Variants in MAP3K19 observed in about 807,000 individuals in gnomAD.
MAP3K19 encodes the protein mitogen-activated protein kinase kinase kinase 19, also known as SPS1/STE20-related protein kinase YSK4.
Under a neutral mutation model 114.4 loss-of-function variants are expected in MAP3K19, and 91 were observed. The observed-to-expected ratio is 0.80, with a 90% CI of 0.67 to 0.95. MAP3K19 has a LOEUF of 0.95. MAP3K19 is among the 40% of genes least tolerant of loss of function. The probability of loss-of-function intolerance (pLI) is 0.00; values close to 1 mark genes in which losing one functional copy is unlikely to be tolerated. For synonymous variants in MAP3K19, 518 were observed against 530.5 expected (o/e 0.98, Z 0.32); for missense variants, 1,471 against 1,573.2 (o/e 0.94, Z 1.10).
chr2:135,023,300 T>C (rs1291360845), intron 4 of MAP3K19: 4 of 378,984 alleles, frequency 1.1e-5, no homozygotes, highest in African/African-American at 8.5e-5. Context: ...CTCCTCTCAC[T>C]TCCTGAGTCC....
At chr2:135,039,091 G>A (rs1348337577) in intron 2 of MAP3K19, among the ~76,000 whole-genome samples, 1 of 149,442 alleles carries the variant, frequency 6.7e-6, no homozygotes, top group East Asian at 2.0e-4. Flanking sequence ...TGGGTGTTGG[G>A]TACACAGGTG....
rs188134911 is a variant in MAP3K19, at chr2:135,039,008, G to A, written c.-284+1355C>T. Among the ~76,000 whole-genome samples, 13 of 152,238 alleles carry A rather than the reference G, an allele frequency of 8.5e-5. No individual in the cohort carries two copies. The South Asian group carries it at 2.7e-3, about 32-fold the overall frequency. On this transcript the variant is annotated intron_variant, in intron 2 of 12. Coordinates refer to ENST00000392915, the MANE Select transcript of MAP3K19 (RefSeq NM_025052.5). ...AAATTCAAGATAATGGTTAGCCAGG[G>A]TGGGGGATGCAATTCAAGACAGGCA... is the stretch of plus-strand genomic sequence containing the variant.
At chr2:135,031,572 T>G (rs78814907) in intron 2 of MAP3K19, among the ~76,000 whole-genome samples, 6,379 of 152,142 alleles carry the variant, frequency 0.042, 160 homozygotes, top group African/African-American at 0.056. Context: ...AGGCAGACAG[T>G]GAAAGATTTT....
rs781533247 is a variant in MAP3K19 at position 134,981,334 on chromosome 2, A to G, written c.3407T>C (p.Val1136Ala). ...AGGAACAAACTCCATGAAAATGCTC[A>G]CAGTGTTCTCTTGCAAGCATGTCCC... is the stretch of plus-strand genomic sequence containing the variant. ...YLGTCLQENT[V>A]SIFMEFVPGG... The change falls in exon 12 of 13, where the codon GTG becomes GCG. Residue 1136 changes from valine to alanine, a missense_variant. Transcript: ENST00000392915. 2 of 1,614,208 alleles carry G rather than the reference A, an allele frequency of 1.2e-6. No individual in the cohort carries two copies. Among genetic ancestry groups the G allele is most frequent in the Non-Finnish European group, 1.7e-6 (2 of 1,180,034 alleles).
rs985580925 is a variant in MAP3K19 at position 134,999,108 on chromosome 2, T to C, written c.315-111A>G. On this transcript the variant is annotated intron_variant, in intron 7 of 12. Coordinates refer to ENST00000392915, the MANE Select transcript of MAP3K19 (RefSeq NM_025052.5). This position sits in a 1 kb window ranked among gnomAD's most constrained non-coding sequence, Gnocchi z 4.1. The stretch of plus-strand genomic sequence containing the variant: ...GAAAGTTTGAAGAACTACTTCCAAA[T>C]GGTGCTGCTGAAAGGAAAGGCTGAA... 14 of 1,241,274 alleles carry C rather than the reference T, an allele frequency of 1.1e-5. No individual in the cohort carries two copies. Among genetic ancestry groups the C allele is most frequent in the Non-Finnish European group, 1.5e-5 (13 of 892,288 alleles). 76.9% of individuals were successfully genotyped at this position (1,241,274 alleles called of 1,614,324 possible).
intron 12 of MAP3K19, among the ~76,000 whole-genome samples, chr2:134,973,401 C>T (rs938140455): frequency 6.6e-6 from 1 of 152,142 alleles, no homozygotes; most frequent in Non-Finnish European, 1.5e-5. Context: ...CTGTTTTTGA[C>T]ATAAAGTGTG....
Position 134,996,689 on chromosome 2 carries a change from G to A in MAP3K19, c.574+2049C>T, listed in dbSNP as rs544264123. ...GTTTAGGGAATAGAGGGCATTTAGTGTGCTAAAGTTTATCATGCTGCGAAG... is the reference window on the plus strand; with the variant it reads ...GTTTAGGGAATAGAGGGCATTTAGTATGCTAAAGTTTATCATGCTGCGAAG... On this transcript the variant is annotated intron_variant, in intron 8 of 12. Transcript: ENST00000392915. Among the ~76,000 whole-genome samples, 172 of 152,312 alleles carry A rather than the reference G, an allele frequency of 1.1e-3. 1 individual carries two copies. The highest frequency in any genetic ancestry group is 4.0e-3 in the African/African-American group (168 of 41,568).
intron 2 of MAP3K19, among the ~76,000 whole-genome samples, chr2:135,038,585 G>T (rs13413872): frequency 0.27 from 40,298 of 151,856 alleles, 7,208 homozygotes; most frequent in African/African-American, 0.49. Flanking sequence ...CAGGCACAGT[G>T]GTTCTTGCCT....
At chr2:135,025,376 T>A (rs895377361) in intron 3 of MAP3K19, among the ~76,000 whole-genome samples, 2 of 110,828 alleles carry the variant, frequency 1.8e-5, no homozygotes, top group Non-Finnish European at 3.3e-5. Flanking sequence ...CCTTTTCTTT[T>A]CTTTTTTTTT....
intron 1 of MAP3K19, among the ~76,000 whole-genome samples, chr2:135,040,957 G>T (rs965322182): frequency 6.6e-6 from 1 of 152,134 alleles, no homozygotes; most frequent in African/African-American, 2.4e-5. Flanking sequence ...CTCTAAAATG[G>T]AAATGATTGT....
intron 8 of MAP3K19, among the ~76,000 whole-genome samples, chr2:134,995,375 AT>A (rs1406238727): frequency 6.6e-6 from 1 of 151,834 alleles, no homozygotes; most frequent in African/African-American, 2.4e-5. Context: ...GTACACAAGG[AT>A]TCAACACAGC....
chr2:135,042,568 T>C (rs1688668442), intron 1 of MAP3K19, among the ~76,000 whole-genome samples: 1 of 151,004 alleles, frequency 6.6e-6, no homozygotes, highest in Admixed American at 6.6e-5. Flanking sequence ...TCGTGATATC[T>C]GGAGAGTCAC....
chr2:135,047,034 A>T (rs910665532), intron 1 of MAP3K19, among the ~76,000 whole-genome samples, 151 bp downstream of exon 1: 1 of 152,262 alleles, frequency 6.6e-6, no homozygotes, highest in African/African-American at 2.4e-5. Context: ...ATAGTTTATT[A>T]CAACTCCAAG....
intron 3 of MAP3K19, among the ~76,000 whole-genome samples, chr2:135,025,476 C>T (rs925064815): frequency 6.7e-6 from 1 of 148,400 alleles, no homozygotes; most frequent in Non-Finnish European, 1.5e-5. Context: ...AGCTCTGCCT[C>T]CCGGGTTCAC....
chr2:135,007,654 G>A (rs1463159151), intron 5 of MAP3K19, among the ~76,000 whole-genome samples: 6 of 151,152 alleles, frequency 4.0e-5, no homozygotes, highest in Admixed American at 6.6e-5. Flanking sequence ...TTTCTAAAGC[G>A]TTTTCTATCT....
intron 5 of MAP3K19, 97 bp from the exon 6 acceptor site, chr2:135,005,628 A>G: frequency 1.2e-6 from 1 of 850,144 alleles, no homozygotes; most frequent in East Asian, 2.6e-5. Flanking sequence ...AAAGATTTAC[A>G]CCATGGATTC....
intron 11 of MAP3K19, among the ~76,000 whole-genome samples, chr2:134,982,031 T>C (rs1215218216): frequency 6.6e-6 from 1 of 151,098 alleles, no homozygotes; most frequent in Admixed American, 6.6e-5. Flanking sequence ...AGCTCGTAGC[T>C]AGGATCACAG....
chr2:135,042,269 G>A (rs1418483673), intron 1 of MAP3K19, among the ~76,000 whole-genome samples: 1 of 152,108 alleles, frequency 6.6e-6, no homozygotes, highest in African/African-American at 2.4e-5. Flanking sequence ...TTGGGAGGCC[G>A]AGGCGGGCGG....
chr2:135,027,577 G>T (rs1470414178), intron 3 of MAP3K19, among the ~76,000 whole-genome samples: 1 of 152,232 alleles, frequency 6.6e-6, no homozygotes, highest in East Asian at 1.9e-4. Flanking sequence ...CCACAGGTTT[G>T]TACACTGTTA....
Sources: allele counts gnomAD v4.1 joint callset (sites outside exome capture counted in the v4.1 genomes callset), GRCh38; gene constraint gnomAD v4.1.1; non-coding constraint Gnocchi (gnomAD v3.1); transcripts MANE v1.5; gene names NCBI Gene and HGNC (gene_info 2026-07-23, HGNC 2026-07-21).